ERGIC1: variants seen among roughly 807,000 people sequenced by gnomAD.
ERGIC1 encodes the protein endoplasmic reticulum-Golgi intermediate compartment protein 1.
ERGIC1 carries 19 observed loss-of-function variants against 38.3 expected under a neutral mutation model. The observed-to-expected ratio is 0.50, with a 90% CI of 0.35 to 0.73. ERGIC1 has a LOEUF of 0.73. ERGIC1 is among the 30% of genes least tolerant of loss of function. The pLI is 0.01. For missense variants in ERGIC1, 294 were observed against 389.2 expected (o/e 0.76, Z 2.06); for synonymous variants, 124 against 157.6 (o/e 0.79, Z 1.60).
chr5:172,846,968 CT>C lies in ERGIC1; in HGVS notation c.20+12538del, dbSNP rs1445114699. ...CAGGAAATTGGACTAGAGATGCCTC[CT>C]TTGTGTTAGCCTAAGTCAGCTAATT... On this transcript the variant is annotated intron_variant, in intron 1 of 9. Coordinates refer to ENST00000393784, the MANE Select transcript of ERGIC1 (RefSeq NM_001031711.3). The surrounding 1 kb of genome is among the most constrained non-coding windows in gnomAD (Gnocchi z 4.0). Among the ~76,000 whole-genome samples the C allele has an allele frequency of 6.6e-6, 1 of 152,200 alleles. No homozygotes were observed. The highest frequency in any genetic ancestry group is 6.5e-5 in the Admixed American group (1 of 15,280).
At chr5:172,886,874 G>A (rs958585600) in intron 1 of ERGIC1, among the ~76,000 whole-genome samples, 8 of 152,206 alleles carry the variant, frequency 5.3e-5, no homozygotes, top group South Asian at 4.1e-4. Flanking sequence ...GTGTTAAAGC[G>A]GCCCCCACTT....
intron 5 of ERGIC1, chr5:172,916,352 C>T (rs1250279270): frequency 6.6e-6 from 1 of 152,322 alleles, no homozygotes; most frequent in South Asian, 2.1e-4. Flanking sequence ...GGGGCTCTCT[C>T]TGCCCATGAG....
intron 5 of ERGIC1, chr5:172,915,191 G>T: frequency 1.6e-6 from 1 of 614,350 alleles, no homozygotes; most frequent in South Asian, 1.9e-5. Context: ...TAGGCTGAGG[G>T]TGTGATGGCG....
Position 172,926,408 on chromosome 5 carries a change from G to C in ERGIC1, c.481-101G>C. 1 of 1,312,740 alleles carries C rather than the reference G, an allele frequency of 7.6e-7. No individual in the cohort carries two copies. The highest frequency in any genetic ancestry group is 1.1e-6 in the Non-Finnish European group (1 of 914,126). The allele number at this position is 1,312,740 out of a possible 1,614,324, so 81.3% of individuals were successfully genotyped here. ...GGAGCCCCCTTTTACACATTGGTAGGGTTCCTAGACCAGGTGGTACCTGGC... is the reference window on the plus strand; with the variant it reads ...GGAGCCCCCTTTTACACATTGGTAGCGTTCCTAGACCAGGTGGTACCTGGC... On this transcript the variant is annotated intron_variant, in intron 6 of 9. Coordinates refer to ENST00000393784, the MANE Select transcript of ERGIC1 (RefSeq NM_001031711.3). The surrounding 1 kb of genome is among the most constrained non-coding windows in gnomAD (Gnocchi z 5.2).
chr5:172,939,062 CAAAAAAA>C (rs202216034), intron 9 of ERGIC1, among the ~76,000 whole-genome samples: 1 of 141,290 alleles, frequency 7.1e-6, no homozygotes, highest in Non-Finnish European at 1.5e-5. Context: ...GACTCCATCT[CAAAAAAA>C]AAAAGAAAAA....
At chr5:172,879,391 G>T (rs1762226882) in intron 1 of ERGIC1, among the ~76,000 whole-genome samples, 2 of 152,160 alleles carry the variant, frequency 1.3e-5, no homozygotes. Context: ...TTGACTTTTA[G>T]CACCGACCTT....
At chr5:172,949,837 G>A (rs534664165) in intron 9 of ERGIC1, among the ~76,000 whole-genome samples, 26 of 152,262 alleles carry the variant, frequency 1.7e-4, no homozygotes, top group Admixed American at 3.9e-4. Flanking sequence ...AGGCCGAGGC[G>A]GGTGGAGCAC....
At chr5:172,913,226 C>A (rs1370733567) in intron 4 of ERGIC1, among the ~76,000 whole-genome samples, 1 of 152,266 alleles carries the variant, frequency 6.6e-6, no homozygotes, top group South Asian at 2.1e-4. Context: ...ATTCTTTGTA[C>A]CTGCCGCACG....
chr5:172,925,422 G>T (rs895730207), intron 6 of ERGIC1, among the ~76,000 whole-genome samples: 1 of 152,134 alleles, frequency 6.6e-6, no homozygotes, highest in Non-Finnish European at 1.5e-5. Flanking sequence ...CCTTTTCCTT[G>T]TTGAGAAATT....
At chr5:172,946,610 G>A (rs1385457261) in intron 9 of ERGIC1, among the ~76,000 whole-genome samples, 1 of 152,196 alleles carries the variant, frequency 6.6e-6, no homozygotes, top group Non-Finnish European at 1.5e-5. Context: ...CTTCTAAGAC[G>A]AGGGACAGCC....
chr5:172,893,683 C>T (rs1238449297), intron 2 of ERGIC1, among the ~76,000 whole-genome samples: 1 of 151,410 alleles, frequency 6.6e-6, no homozygotes, highest in Non-Finnish European at 1.5e-5. Context: ...GATAGCTGAT[C>T]TCTTCCAGTG....
rs1760972486 is a variant in ERGIC1 at position 172,834,299 on chromosome 5, A to G, written c.-115A>G. Reference sequence around the variant, plus strand: ...TGGCGAGTGGCGAGTGGCGAGTGTCAGGGGGGCGGCCGGCGGGGGCGGGGC... The same window carrying G: ...TGGCGAGTGGCGAGTGGCGAGTGTCGGGGGGGCGGCCGGCGGGGGCGGGGC... On this transcript the variant is annotated 5_prime_UTR_variant, in exon 1 of 10. Coordinates refer to ENST00000393784, the MANE Select transcript of ERGIC1 (RefSeq NM_001031711.3). This position sits in a 1 kb window ranked among gnomAD's most constrained non-coding sequence, Gnocchi z 4.1. 2 of 983,788 alleles carry G rather than the reference A, an allele frequency of 2.0e-6. No homozygotes were observed. The highest frequency in any genetic ancestry group is 1.9e-5 in the African/African-American group (1 of 53,728). The allele number at this position is 983,788 out of a possible 1,614,324, so 60.9% of individuals were successfully genotyped here. A position where few individuals can be genotyped will look rare whatever the true frequency, so the allele number is the denominator to read the frequency against.
chr5:172,930,438 G>C lies in ERGIC1; in HGVS notation c.542-1998G>C, dbSNP rs1315891088. On this transcript the variant is annotated intron_variant, in intron 7 of 9. Transcript: ENST00000393784. ...GCTCACTGCAACCTCCACCTCCCGG[G>C]TTCAAGCGATTCTCCTGCCTCAGCC... Among the ~76,000 whole-genome samples the C allele has an allele frequency of 2.6e-5, 4 of 151,858 alleles. No individual in the cohort carries two copies. The East Asian group carries it at 7.9e-4, about 30-fold the overall frequency.
intron 3 of ERGIC1, among the ~76,000 whole-genome samples, chr5:172,907,687 C>G (rs1479366563): frequency 1.3e-5 from 2 of 152,190 alleles, no homozygotes; most frequent in East Asian, 1.9e-4. Flanking sequence ...AGGATGATGC[C>G]TACGCATCCC....
rs1204550790 is a variant in ERGIC1 at position 172,846,543 on chromosome 5, C to A, written c.20+12110C>A. 6.6e-6 allele frequency among the ~76,000 whole-genome samples: 1 copy of A among 152,176 alleles called. No individual in the cohort carries two copies. The highest frequency in any genetic ancestry group is 1.5e-5 in the Non-Finnish European group (1 of 68,024). ...GGCTCTGAGTTGGGAGACAGCAGAG[C>A]TAGGATTGCAGCTGATCTGGGTCCC... On this transcript the variant is annotated intron_variant, in intron 1 of 9. Coordinates refer to ENST00000393784, the MANE Select transcript of ERGIC1 (RefSeq NM_001031711.3). This position sits in a 1 kb window ranked among gnomAD's most constrained non-coding sequence, Gnocchi z 4.0.
intron 2 of ERGIC1, among the ~76,000 whole-genome samples, chr5:172,891,741 A>G (rs931490501): frequency 6.6e-6 from 1 of 152,150 alleles, no homozygotes; most frequent in Non-Finnish European, 1.5e-5. Flanking sequence ...CACCTGGCCT[A>G]TTTAGGCTTT....
intron 1 of ERGIC1, among the ~76,000 whole-genome samples, chr5:172,883,518 G>C (rs886152501): frequency 6.6e-6 from 1 of 152,052 alleles, no homozygotes; most frequent in African/African-American, 2.4e-5. Flanking sequence ...TTTGTAGACT[G>C]CCCCTCACTT....
intron 9 of ERGIC1, among the ~76,000 whole-genome samples, chr5:172,949,175 A>G (rs544421): frequency 0.63 from 95,847 of 152,132 alleles, 31,701 homozygotes; most frequent in East Asian, 0.83. Context: ...AAAACATAAC[A>G]TTAGTTTGAT....
chr5:172,857,320 A>T (rs1484810015), intron 1 of ERGIC1, among the ~76,000 whole-genome samples: 1 of 152,132 alleles, frequency 6.6e-6, no homozygotes, highest in Non-Finnish European at 1.5e-5. Context: ...GAATGGTTCG[A>T]TTCATTGCCA....
Sources: gnomAD v4.1 joint callset for allele counts (sites outside exome capture counted in the v4.1 genomes callset) on GRCh38, gnomAD v4.1.1 for gene constraint, Gnocchi (gnomAD v3.1) non-coding constraint, MANE v1.5 for transcripts, NCBI Gene and HGNC (gene_info 2026-07-23, HGNC 2026-07-21) for gene names.